GPANK1: variants seen among roughly 807,000 people sequenced by gnomAD.
GPANK1 encodes the protein G patch domain and ankyrin repeat-containing protein 1.
A neutral mutation model predicts 24.0 loss-of-function variants in GPANK1; 22 were observed. That is an observed-to-expected ratio of 0.92 (90% confidence interval 0.66 to 1.31). The LOEUF is 1.31. GPANK1 is among the 50% of genes most tolerant of loss of function. The probability of loss-of-function intolerance (pLI) is 0.00; values close to 1 mark genes in which losing one functional copy is unlikely to be tolerated. For synonymous variants in GPANK1, 174 were observed against 177.4 expected, an observed-to-expected ratio of 0.98 and a Z score of 0.15; for missense variants, 469 against 453.5, an observed-to-expected ratio of 1.03 and a Z score of -0.31.
At position 31,661,767 on chromosome 6, in the gene GPANK1, G is replaced by A. The variant is rs1251541960; in HGVS notation, c.*499C>T. 6.2e-6 allele frequency: 1 copy of A among 161,884 alleles called. No individual in the cohort carries two copies. Among genetic ancestry groups the A allele is most frequent in the Non-Finnish European group, 1.4e-5 (1 of 73,820 alleles). 10.0% of individuals were successfully genotyped at this position (161,884 alleles called of 1,614,324 possible). ...TCCAGCTGTGAACTCTTTGAGGGTTGGGAATGTCTTTACCTGTATTCTTGG... is the reference window on the plus strand; with the variant it reads ...TCCAGCTGTGAACTCTTTGAGGGTTAGGAATGTCTTTACCTGTATTCTTGG... On this transcript the variant is annotated 3_prime_UTR_variant, in exon 3 of 3. Coordinates refer to ENST00000375896, the MANE Select transcript of GPANK1 (RefSeq NM_033177.4).
In GPANK1 at chr6:31,662,539, C is replaced by T; in HGVS notation, c.798G>A (p.Gly266=). Residue 266 remains glycine, a synonymous_variant, in exon 3 of 3, where the codon GGG becomes GGA. Transcript: ENST00000375896. This position sits in a 1 kb window ranked among gnomAD's most constrained non-coding sequence, Gnocchi z 5.5. ...SSPGFKLLLR[G]GWEPGMGLGP... ...CCAGCCCCATTCCTGGCTCCCAGCC[C>T]CCCCTCAGCAGCAGTTTGAAGCCCG... The T allele has an allele frequency of 6.2e-7, 1 of 1,612,982 alleles. No homozygotes were observed. Among genetic ancestry groups the T allele is most frequent in the Non-Finnish European group, 8.5e-7 (1 of 1,179,978 alleles).
At position 31,662,305 on chromosome 6, in the gene GPANK1, C is replaced by A; in HGVS notation, c.1032G>T (p.Trp344Cys). 1.3e-6 allele frequency: 2 copies of A among 1,582,552 alleles called. No individual in the cohort carries two copies. ...ERRREEKDRA[W>C]ERDLRTYMNL... ...TCATGTAAGTCCTTAGATCCCGCTC[C>A]CAAGCCCTGTCTTTCTCCTCCCTCC... The change falls in exon 3 of 3, where the codon TGG (tryptophan) becomes TGT (cysteine). Residue 344 changes from tryptophan (W) to cysteine (C), a missense_variant. Transcript: ENST00000375896. This position sits in a 1 kb window ranked among gnomAD's most constrained non-coding sequence, Gnocchi z 5.5.
chr6:31,664,440 A>T lies in GPANK1; in HGVS notation c.39T>A (p.Thr13=). 1 of 1,613,994 alleles carries T rather than the reference A, an allele frequency of 6.2e-7. No individual in the cohort carries two copies. The highest frequency in any genetic ancestry group is 8.5e-7 in the Non-Finnish European group (1 of 1,179,962). ...RPLLITFTPA[T]DPSDLWKDGQ... The stretch of plus-strand genomic sequence containing the variant: ...CATCCTTCCAGAGGTCGCTGGGGTC[A>T]GTGGCTGGGGTGAAGGTGATGAGCA... Residue 13 remains threonine (T), a synonymous_variant, in exon 2 of 3, where the codon ACT becomes ACA. Coordinates refer to ENST00000375896, the MANE Select transcript of GPANK1 (RefSeq NM_033177.4).
At chr6:31,663,110 C>G (rs1801114354) in intron 2 of GPANK1, among the ~76,000 whole-genome samples, 1 of 150,588 alleles carries the variant, frequency 6.6e-6, no homozygotes, top group African/African-American at 2.4e-5. Context: ...CCGGCAAAGC[C>G]TGCTTTCTAC....
chr6:31,663,940 G>C lies in GPANK1; in HGVS notation c.539C>G (p.Ala180Gly). 1.2e-6 allele frequency: 2 copies of C among 1,613,596 alleles called. No homozygotes were observed. Among genetic ancestry groups the C allele is most frequent in the Non-Finnish European group, 8.5e-7 (1 of 1,179,774 alleles). The change falls in exon 2 of 3, where the codon GCG (alanine) becomes GGG (glycine). Residue 180 changes from alanine to glycine, a missense_variant. Ala to Gly is a moderately conservative substitution (Grantham distance 60). Transcript: ENST00000375896. Reference sequence around the variant, plus strand: ...GCCAGCTTCTTCAGCGAGCTGAGCCGCATCCCTGCCACTCAGCTCACAGAC... The same window carrying C: ...GCCAGCTTCTTCAGCGAGCTGAGCCCCATCCCTGCCACTCAGCTCACAGAC... ...VGVCELSGRDAAQLAEEAGFP... is the reference protein window; with the variant it reads ...VGVCELSGRDGAQLAEEAGFP...
Position 31,664,581 on chromosome 6 carries a change from C to G in GPANK1, c.-99-4G>C. 1.1e-6 allele frequency: 1 copy of G among 874,488 alleles called. No individual in the cohort carries two copies. Among genetic ancestry groups the G allele is most frequent in the Non-Finnish European group, 1.8e-6 (1 of 562,424 alleles). 54.2% of individuals were successfully genotyped at this position (874,488 alleles called of 1,614,324 possible). A position where few individuals can be genotyped will look rare whatever the true frequency, so the allele number is the denominator to read the frequency against. ...TAGCAACCACAGCCTCAGAGACCTG[C>G]TGGGATGAGAAAAAGTAGTCAAAAA... On this transcript the variant is annotated splice_polypyrimidine_tract_variant and splice_region_variant and intron_variant, in intron 1 of 2. Coordinates refer to ENST00000375896, the MANE Select transcript of GPANK1 (RefSeq NM_033177.4).
At chr6:31,666,087 A>T, upstream of GPANK1, 1 of 942,426 alleles carries the variant, frequency 1.1e-6, no homozygotes, top group Non-Finnish European at 1.2e-6. Flanking sequence ...CCTAATTTCC[A>T]CTCCCCCCAC....
In GPANK1 at chr6:31,661,744, C is replaced by A; in HGVS notation, c.*522G>T. On this transcript the variant is annotated 3_prime_UTR_variant, in exon 3 of 3. Transcript: ENST00000375896. ...TTGATAACATGGCACTTTCCCTCTC[C>A]AGCTGTGAACTCTTTGAGGGTTGGG... 1 of 163,386 alleles carries A rather than the reference C, an allele frequency of 6.1e-6. No homozygotes were observed. The highest frequency in any genetic ancestry group is 1.3e-5 in the Non-Finnish European group (1 of 74,832). The allele number at this position is 163,386 out of a possible 1,614,324, so 10.1% of individuals were successfully genotyped here. A position where few individuals can be genotyped will look rare whatever the true frequency, so the allele number is the denominator to read the frequency against.
At position 31,661,751 on chromosome 6, in the gene GPANK1, G is replaced by A; in HGVS notation, c.*515C>T. On this transcript the variant is annotated 3_prime_UTR_variant, in exon 3 of 3. Coordinates refer to ENST00000375896, the MANE Select transcript of GPANK1 (RefSeq NM_033177.4). Reference sequence around the variant, plus strand: ...CATGGCACTTTCCCTCTCCAGCTGTGAACTCTTTGAGGGTTGGGAATGTCT... The same window carrying A: ...CATGGCACTTTCCCTCTCCAGCTGTAAACTCTTTGAGGGTTGGGAATGTCT... 6.1e-6 allele frequency: 1 copy of A among 162,898 alleles called. No individual in the cohort carries two copies. The highest frequency in any genetic ancestry group is 1.9e-4 in the East Asian group (1 of 5,380). 10.1% of individuals were successfully genotyped at this position (162,898 alleles called of 1,614,324 possible).
At chr6:31,665,368 T>A, upstream of GPANK1, 1 of 1,301,286 alleles carries the variant, frequency 7.7e-7, no homozygotes, top group Non-Finnish European at 1.1e-6. Flanking sequence ...CGAGAAGCCG[T>A]GTAATGAAAT....
rs764682175 is a variant in GPANK1 at position 31,662,370 on chromosome 6, G to C, written c.967C>G (p.Pro323Ala). The stretch of plus-strand genomic sequence containing the variant: ...CAGCTCAGTGTGGCCACCCGAGGGG[G>C]TCTCTCCCTCCCAGCCACAGCTCGG... ...DTRAVAGRER[P>A]PRVATLSWRE... is the part of the protein sequence containing the mutation. Residue 323 changes from proline (P) to alanine (A), a missense_variant, in exon 3 of 3, where the codon CCC becomes GCC. By Grantham distance (27) the Pro-to-Ala change is conservative. Transcript: ENST00000375896. This position sits in a 1 kb window ranked among gnomAD's most constrained non-coding sequence, Gnocchi z 5.5. 2 of 1,612,380 alleles carry C rather than the reference G, an allele frequency of 1.2e-6. No homozygotes were observed. The highest frequency in any genetic ancestry group is 2.2e-5 in the East Asian group (1 of 44,876).
upstream of GPANK1, chr6:31,665,409 G>A (rs1801520681): frequency 1.3e-6 from 2 of 1,548,338 alleles, no homozygotes; most frequent in Non-Finnish European, 1.7e-6. Context: ...CCATTACTCT[G>A]ACCAGGGTTC....
In GPANK1 at chr6:31,662,659, T is replaced by C. The variant is rs778254500; in HGVS notation, c.678A>G (p.Gln226=). Residue 226 remains glutamine, a synonymous_variant, in exon 3 of 3, where the codon CAA becomes CAG. Coordinates refer to ENST00000375896, the MANE Select transcript of GPANK1 (RefSeq NM_033177.4). This position sits in a 1 kb window ranked among gnomAD's most constrained non-coding sequence, Gnocchi z 5.5. ...CAGTGGATGTGCGGTGGTTGGAATC[T>C]TGGAAGTGGGTGTCACAGTTCTCGC... ...QYCENCDTHF[Q]DSNHRTSTAH... is the part of the protein sequence containing the mutation. 10 of 1,611,580 alleles carry C rather than the reference T, an allele frequency of 6.2e-6. No individual in the cohort carries two copies. In the African/African-American group the frequency reaches 1.1e-4, roughly 17 times the overall value.
At chr6:31,665,414 G>C, upstream of GPANK1, 2 of 1,551,626 alleles carry the variant, frequency 1.3e-6, no homozygotes, top group Non-Finnish European at 1.7e-6. Flanking sequence ...ACTCTGACCA[G>C]GGTTCGAAGG....
At chr6:31,663,242 AAAAG>A (rs1047038324) in intron 2 of GPANK1, 1 of 153,308 alleles carries the variant, frequency 6.5e-6, no homozygotes, top group African/African-American at 2.4e-5. Flanking sequence ...AAAAAAAAAA[AAAAG>A]GGACAAATTG....
chr6:31,666,070 C>T (rs1158954798), upstream of GPANK1: 3 of 992,098 alleles, frequency 3.0e-6, no homozygotes, highest in Non-Finnish European at 3.6e-6. Flanking sequence ...CCCTCTTCCC[C>T]ACCCTCCCTA....
In GPANK1 at chr6:31,664,436, G is replaced by C; in HGVS notation, c.43C>G (p.Pro15Ala). 1 of 1,613,998 alleles carries C rather than the reference G, an allele frequency of 6.2e-7. No individual in the cohort carries two copies. Residue 15 changes from proline (P) to alanine (A), a missense_variant, in exon 2 of 3, where the codon CCC (proline) becomes GCC (alanine). Physicochemically the swap from Pro to Ala is conservative, Grantham distance 27. Transcript: ENST00000375896. ...TGCCCATCCTTCCAGAGGTCGCTGG[G>C]GTCAGTGGCTGGGGTGAAGGTGATG... ...LLITFTPATD[P>A]SDLWKDGQQQ...
chr6:31,666,081 A>G (rs932048178), upstream of GPANK1: 2 of 987,324 alleles, frequency 2.0e-6, no homozygotes, highest in Admixed American at 5.9e-5. Flanking sequence ...ACCCTCCCTA[A>G]TTTCCACTCC....
Position 31,662,809 on chromosome 6 carries a change from GCTTTT to G in GPANK1, c.627-104_627-100del. 1 of 725,988 alleles carries G rather than the reference GCTTTT, an allele frequency of 1.4e-6. No individual in the cohort carries two copies. Among genetic ancestry groups the G allele is most frequent in the Non-Finnish European group, 2.2e-6 (1 of 449,884 alleles). 45.0% of individuals were successfully genotyped at this position (725,988 alleles called of 1,614,324 possible). On this transcript the variant is annotated intron_variant, in intron 2 of 2. Transcript: ENST00000375896. The surrounding 1 kb of genome is among the most constrained non-coding windows in gnomAD (Gnocchi z 5.5). The stretch of plus-strand genomic sequence containing the variant: ...GGCAGGGTAGAATAGGATCTTTTCA[GCTTTT>G]CTGCTAAGGAACAAATTGCCAGCTA...
Sources: allele counts gnomAD v4.1 joint callset (sites outside exome capture counted in the v4.1 genomes callset), GRCh38; gene constraint gnomAD v4.1.1; non-coding constraint Gnocchi (gnomAD v3.1); transcripts MANE v1.5; gene names NCBI Gene and HGNC (gene_info 2026-07-23, HGNC 2026-07-21).